The following ABCG1 variants were observed in gnomAD, a reference collection of about 807,000 sequenced individuals.
ABCG1 encodes ATP binding cassette subfamily G member 1.
A neutral mutation model predicts 69.2 loss-of-function variants in ABCG1; 29 were observed. The ratio of observed to expected loss-of-function variants is 0.42; its 90% confidence interval spans 0.31 to 0.57. ABCG1 has a LOEUF of 0.57. Ranked by LOEUF, ABCG1 falls within the 20% of genes least tolerant of loss-of-function variation. The probability of loss-of-function intolerance (pLI) is 0.15; values close to 1 mark genes in which losing one functional copy is unlikely to be tolerated. For synonymous variants in ABCG1, 370 were observed against 374.8 expected (o/e 0.99, Z 0.15); for missense variants, 718 against 898.1 (o/e 0.80, Z 2.56).
chr21:42,265,857 A>C (rs1420620072), intron 2 of ABCG1, among the ~76,000 whole-genome samples: 1 of 152,070 alleles, frequency 6.6e-6, no homozygotes, highest in African/African-American at 2.4e-5. Context: ...CCTCCCCCTT[A>C]GTGAGGCAGC....
rs150806577 is a variant in ABCG1, at chr21:42,224,001, C to T, written c.43-1670C>T. Among the ~76,000 whole-genome samples the T allele has an allele frequency of 2.0e-3, 309 of 152,274 alleles. 1 individual carries two copies. The Middle Eastern group carries it at 0.024, about 12-fold the overall frequency. ...GACCCACAATGGGAGAGAAGTTGCT[C>T]GAGCACCCTAGGACTTACCCTCAAC... is the stretch of plus-strand genomic sequence containing the variant. On this transcript the variant is annotated intron_variant, in intron 1 of 14. Transcript: ENST00000398449.
intron 2 of ABCG1, among the ~76,000 whole-genome samples, chr21:42,265,061 C>T (rs1299177395): frequency 1.3e-4 from 20 of 152,182 alleles, no homozygotes; most frequent in Admixed American, 1.3e-3. Flanking sequence ...CCCCCATCCC[C>T]ATGCAGGACA....
At chr21:42,293,653 C>T (rs1257354871) in intron 13 of ABCG1, among the ~76,000 whole-genome samples, 3 of 149,028 alleles carry the variant, frequency 2.0e-5, no homozygotes, top group Non-Finnish European at 4.5e-5. Context: ...ACACACTACA[C>T]ACCACACACT....
At chr21:42,254,169 A>ACC (rs573688974) in intron 2 of ABCG1, among the ~76,000 whole-genome samples, 86 of 152,280 alleles carry the variant, frequency 5.6e-4, no homozygotes, top group African/African-American at 2.1e-3. Context: ...ACACAAGAAA[A>ACC]CAATCCTTGG....
At chr21:42,230,301 T>A (rs2067882287) in intron 2 of ABCG1, among the ~76,000 whole-genome samples, 1 of 152,246 alleles carries the variant, frequency 6.6e-6, no homozygotes, top group Non-Finnish European at 1.5e-5. Flanking sequence ...GAGGAACTAT[T>A]CTCAGGAGAG....
chr21:42,294,321 C>T (rs1362913082), intron 13 of ABCG1, among the ~76,000 whole-genome samples: 2 of 152,212 alleles, frequency 1.3e-5, no homozygotes, highest in Admixed American at 6.5e-5. Context: ...CTGCAGGAGG[C>T]TCTGGGGCTG....
chr21:42,274,280 A>C (rs970317252), intron 4 of ABCG1, among the ~76,000 whole-genome samples: 11 of 152,188 alleles, frequency 7.2e-5, no homozygotes, highest in Admixed American at 6.5e-5. Flanking sequence ...ACTCCTAGTA[A>C]GCCTCCCCAC....
chr21:42,250,981 A>C (rs2068211047), intron 2 of ABCG1, among the ~76,000 whole-genome samples: 2 of 152,158 alleles, frequency 1.3e-5, no homozygotes, highest in African/African-American at 4.8e-5. Flanking sequence ...GGATCACAAC[A>C]CAAAGGCAAC....
chr21:42,229,279 T>C (rs990197494), intron 2 of ABCG1, among the ~76,000 whole-genome samples: 3 of 152,256 alleles, frequency 2.0e-5, no homozygotes, highest in African/African-American at 7.2e-5. Flanking sequence ...GTATATTCAT[T>C]TTGCTGTCTG....
Position 42,254,030 on chromosome 21 carries a change from C to T in ABCG1, c.287-17040C>T, listed in dbSNP as rs75220266. ...GCTGCTGGTGCTGCTTAGAGTTAGG[C>T]GCAGGGATGAAACCCATGAGATGAG... On this transcript the variant is annotated intron_variant, in intron 2 of 14. Coordinates refer to ENST00000398449, the MANE Select transcript of ABCG1 (RefSeq NM_016818.3). 1.7e-3 allele frequency among the ~76,000 whole-genome samples: 258 copies of T among 152,092 alleles called. 1 individual carries two copies. The highest frequency in any genetic ancestry group is 5.9e-3 in the African/African-American group (245 of 41,460).
At chr21:42,280,641 T>A (rs1002734985) in intron 5 of ABCG1, among the ~76,000 whole-genome samples, 1 of 152,152 alleles carries the variant, frequency 6.6e-6, no homozygotes, top group African/African-American at 2.4e-5. Flanking sequence ...GAAAGTGGGG[T>A]GGGCCCAGCT....
Position 42,273,810 on chromosome 21 carries a change from G to T in ABCG1, c.537+375G>T, listed in dbSNP as rs1256224343. ...GTCAGCTATCCTTGAGTCTTTCCGT[G>T]TCTTTGGCCCAAGCACCCACTCGCC... is the stretch of plus-strand genomic sequence containing the variant. On this transcript the variant is annotated intron_variant, in intron 4 of 14. Coordinates refer to ENST00000398449, the MANE Select transcript of ABCG1 (RefSeq NM_016818.3). The surrounding 1 kb of genome is among the most constrained non-coding windows in gnomAD (Gnocchi z 5.3). Among the ~76,000 whole-genome samples, 1 of 152,104 alleles carries T rather than the reference G, an allele frequency of 6.6e-6. No homozygotes were observed. Among genetic ancestry groups the T allele is most frequent in the African/African-American group, 2.4e-5 (1 of 41,424 alleles).
At chr21:42,268,076 C>G (rs1346792528) in intron 2 of ABCG1, among the ~76,000 whole-genome samples, 1 of 152,150 alleles carries the variant, frequency 6.6e-6, no homozygotes, top group Non-Finnish European at 1.5e-5. Flanking sequence ...GGCTGATGGG[C>G]CTTCACTGGG....
intron 1 of ABCG1, 99 bp from the exon 2 acceptor site, chr21:42,225,572 T>A: frequency 6.8e-7 from 1 of 1,459,868 alleles, no homozygotes; most frequent in Non-Finnish European, 9.3e-7. Context: ...AGTGTTGCTA[T>A]TAATAACCAA....
Position 42,287,298 on chromosome 21 carries a change from G to C in ABCG1, c.974-591G>C, listed in dbSNP as rs2068959701. On this transcript the variant is annotated intron_variant, in intron 8 of 14. Coordinates refer to ENST00000398449, the MANE Select transcript of ABCG1 (RefSeq NM_016818.3). The surrounding 1 kb of genome is among the most constrained non-coding windows in gnomAD (Gnocchi z 6.2). ...GGGGAGCGAGTCTGCAGGTGGAGTG[G>C]GGAGGTGACGATTGGGATGCGAGAG... 1.3e-5 allele frequency among the ~76,000 whole-genome samples: 2 copies of C among 152,168 alleles called. No homozygotes were observed. Among genetic ancestry groups the C allele is most frequent in the Non-Finnish European group, 2.9e-5 (2 of 68,028 alleles).
At position 42,276,847 on chromosome 21, in the gene ABCG1, C is replaced by G. The variant is rs879226979; in HGVS notation, c.538-48C>G. The G allele has an allele frequency of 6.2e-7, 1 of 1,604,092 alleles. No individual in the cohort carries two copies. The highest frequency in any genetic ancestry group is 2.2e-5 in the East Asian group (1 of 44,822). ...AGTGCGGGCATGAGGCTCACACTGC[C>G]AGTGGCCGTCTGTTCTGCTTCCACA... On this transcript the variant is annotated intron_variant, in intron 4 of 14. Coordinates refer to ENST00000398449, the MANE Select transcript of ABCG1 (RefSeq NM_016818.3). This position sits in a 1 kb window ranked among gnomAD's most constrained non-coding sequence, Gnocchi z 5.3.
chr21:42,227,186 C>T (rs1371997839), intron 2 of ABCG1, among the ~76,000 whole-genome samples: 1 of 152,132 alleles, frequency 6.6e-6, no homozygotes, highest in Admixed American at 6.5e-5. Context: ...CAACAGACAA[C>T]AGTATAGCAC....
intron 2 of ABCG1, among the ~76,000 whole-genome samples, chr21:42,241,977 C>CAAAA (rs35823612): frequency 0.045 from 4,230 of 93,998 alleles, 255 homozygotes; most frequent in African/African-American, 0.13. Context: ...GACCCTGTCT[C>CAAAA]AAAAAAAAAA....
intron 2 of ABCG1, among the ~76,000 whole-genome samples, chr21:42,202,100 G>A (rs531649117): frequency 6.6e-5 from 10 of 152,306 alleles, no homozygotes; most frequent in South Asian, 6.2e-4. Flanking sequence ...CAGCAGCAGC[G>A]TTTACCCACG....
Sources: gnomAD v4.1 joint callset for allele counts (sites outside exome capture counted in the v4.1 genomes callset) on GRCh38, gnomAD v4.1.1 for gene constraint, Gnocchi (gnomAD v3.1) non-coding constraint, MANE v1.5 for transcripts, NCBI Gene and HGNC (gene_info 2026-07-23, HGNC 2026-07-21) for gene names.